The following MARK1 variants were observed in gnomAD, a reference collection of about 807,000 sequenced individuals.
MARK1 encodes serine/threonine-protein kinase MARK1.
In MARK1, 40 loss-of-function variants were observed where a neutral mutation model predicts 96.3. The observed-to-expected ratio is 0.42, with a 90% CI of 0.32 to 0.54. MARK1 has a LOEUF of 0.54. MARK1 is among the 20% of genes least tolerant of loss of function. The pLI, the probability that MARK1 is intolerant of heterozygous loss-of-function variation, is 0.16. For synonymous variants in MARK1, 317 were observed against 341.2 expected (o/e 0.93, Z 0.78); for missense variants, 719 against 984.6 (o/e 0.73, Z 3.61).
Position 220,610,221 on chromosome 1 carries a change from C to T in MARK1, c.496-5718C>T, listed in dbSNP as rs111230334. ...TAGATTTGGTGTTTTCACACAGTCC[C>T]GTATTTCTTGGAGGCTTTGTTCATT... On this transcript the variant is annotated intron_variant, in intron 6 of 17. Coordinates refer to ENST00000366917, the MANE Select transcript of MARK1 (RefSeq NM_018650.5). Among the ~76,000 whole-genome samples the T allele has an allele frequency of 1.7e-3, 260 of 152,240 alleles. 2 individuals are homozygous for T. Among genetic ancestry groups the T allele is most frequent in the African/African-American group, 6.0e-3 (251 of 41,538 alleles).
chr1:220,647,428 CTT>C (rs1668642339), intron 13 of MARK1, among the ~76,000 whole-genome samples: 1 of 151,946 alleles, frequency 6.6e-6, no homozygotes, highest in African/African-American at 2.4e-5. Flanking sequence ...CAGAGAAACA[CTT>C]TTACACTGTT....
intron 1 of MARK1, among the ~76,000 whole-genome samples, chr1:220,543,415 C>G (rs904273756): frequency 6.6e-6 from 1 of 152,118 alleles, no homozygotes; most frequent in Non-Finnish European, 1.5e-5. Flanking sequence ...AATTTTTATA[C>G]TATACTTTTT....
At chr1:220,621,226 C>T (rs546077362) in intron 9 of MARK1, among the ~76,000 whole-genome samples, 76 of 151,958 alleles carry the variant, frequency 5.0e-4, no homozygotes, top group African/African-American at 1.5e-3. Flanking sequence ...GGTTACGTAA[C>T]GTAATTTATT....
intron 7 of MARK1, among the ~76,000 whole-genome samples, chr1:220,617,916 G>A (rs1288885673): frequency 6.6e-6 from 1 of 152,092 alleles, no homozygotes; most frequent in African/African-American, 2.4e-5. Context: ...GAGCTCCTTT[G>A]GGTAATCATG....
rs1277431924 is a variant in MARK1, at chr1:220,631,065, G to T, written c.940G>T (p.Gly314Cys). The change falls in exon 10 of 18, where the codon GGT (glycine) becomes TGT (cysteine). Residue 314 changes from glycine (G) to cysteine (C), a missense_variant. Transcript: ENST00000366917. ...AATGAAAGATCGATGGATGAATGTT[G>T]GTCATGAAGAGGAAGAACTAAAGCC... ...QIMKDRWMNV[G>C]HEEEELKPYT... 2 of 1,612,442 alleles carry T rather than the reference G, an allele frequency of 1.2e-6. No homozygotes were observed. The highest frequency in any genetic ancestry group is 4.5e-5 in the East Asian group (2 of 44,776).
intron 9 of MARK1, chr1:220,627,856 A>G (rs1193779527): frequency 2.0e-5 from 3 of 153,072 alleles, no homozygotes; most frequent in East Asian, 1.9e-4. Context: ...CTGCTAATGT[A>G]ACATCAGCCA....
chr1:220,619,699 C>G (rs551062216), intron 9 of MARK1, among the ~76,000 whole-genome samples: 15 of 152,200 alleles, frequency 9.9e-5, no homozygotes, highest in African/African-American at 3.4e-4. Context: ...AAAATGTCTA[C>G]TATTTTTTTT....
chr1:220,563,128 A>G (rs1662786371), intron 1 of MARK1, among the ~76,000 whole-genome samples: 2 of 152,186 alleles, frequency 1.3e-5, no homozygotes. Context: ...AATGTCTGAG[A>G]TCAAGGTAAA....
intron 13 of MARK1, among the ~76,000 whole-genome samples, chr1:220,644,626 AC>A (rs1668483339): frequency 6.6e-6 from 1 of 152,160 alleles, no homozygotes; most frequent in Non-Finnish European, 1.5e-5. Context: ...AGCAGAATAT[AC>A]ATTTTTCTTG....
chr1:220,657,855 C>T, intron 17 of MARK1, 21 bp downstream of exon 17: 1 of 1,528,696 alleles, frequency 6.5e-7, no homozygotes, highest in East Asian at 2.5e-5. Context: ...ACTATTAATA[C>T]TTCGCTGCTA....
In MARK1 at chr1:220,662,067, A is replaced by G. The variant is rs1669510563; in HGVS notation, c.2289A>G (p.Pro763=). The G allele has an allele frequency of 6.2e-7, 1 of 1,614,138 alleles. No individual in the cohort carries two copies. The highest frequency in any genetic ancestry group is 1.1e-5 in the South Asian group (1 of 91,090). ...VQWEMEVCKL[P]RLSLNGVRFK... The stretch of plus-strand genomic sequence containing the variant: ...GGGAGATGGAAGTCTGCAAGTTGCC[A>G]CGACTGTCACTTAATGGGGTTCGCT... The change falls in exon 18 of 18, where the codon CCA becomes CCG. Residue 763 remains proline (P), a synonymous_variant. Transcript: ENST00000366917.
At chr1:220,587,481 GC>G (rs1664718400) in intron 3 of MARK1, among the ~76,000 whole-genome samples, 1 of 152,002 alleles carries the variant, frequency 6.6e-6, no homozygotes, top group Admixed American at 6.6e-5. Context: ...TGATTCTCCT[GC>G]CTTAGCCTCC....
At position 220,530,698 on chromosome 1, in the gene MARK1, G is replaced by C. The variant is rs186052107; in HGVS notation, c.51+1825G>C. ...ACACAAAAAAGGATTTTAAAGCTAAGCAATAATAGTATGATAAATTTTGTT... is the reference window on the plus strand; with the variant it reads ...ACACAAAAAAGGATTTTAAAGCTAACCAATAATAGTATGATAAATTTTGTT... On this transcript the variant is annotated intron_variant, in intron 1 of 17. Transcript: ENST00000366917. 2.6e-3 allele frequency among the ~76,000 whole-genome samples: 403 copies of C among 152,246 alleles called. 15 individuals are homozygous for C. The highest frequency in any genetic ancestry group is 0.026 in the Admixed American group (400 of 15,300).
At chr1:220,534,351 A>G (rs1439246787) in intron 1 of MARK1, among the ~76,000 whole-genome samples, 2 of 152,108 alleles carry the variant, frequency 1.3e-5, no homozygotes, top group Admixed American at 6.6e-5. Flanking sequence ...TTAGTTAACT[A>G]TAGTCACCTC....
intron 1 of MARK1, among the ~76,000 whole-genome samples, chr1:220,544,120 G>T (rs1361092): frequency 0.94 from 142,887 of 152,192 alleles, 67,787 homozygotes; most frequent in South Asian, 1. Flanking sequence ...GTGTGAGATA[G>T]AAGAAAGGGT....
chr1:220,575,794 C>A (rs1394145926), intron 1 of MARK1, among the ~76,000 whole-genome samples: 1 of 151,360 alleles, frequency 6.6e-6, no homozygotes, highest in African/African-American at 2.4e-5. Context: ...AAACCTGTAT[C>A]CCAAAATGTG....
intron 2 of MARK1, 137 bp downstream of exon 2, chr1:220,579,694 A>T (rs1454254588): frequency 3.0e-6 from 2 of 659,392 alleles, no homozygotes; most frequent in Non-Finnish European, 5.3e-6. Flanking sequence ...ATGGAACATT[A>T]GTAGGCAGAG....
At chr1:220,638,032 C>A (rs1668067048) in intron 13 of MARK1, among the ~76,000 whole-genome samples, 1 of 151,998 alleles carries the variant, frequency 6.6e-6, no homozygotes, top group African/African-American at 2.4e-5. Context: ...AACAGATGTG[C>A]ATAACCACTT....
At chr1:220,624,421 G>A (rs1667207696) in intron 9 of MARK1, among the ~76,000 whole-genome samples, 1 of 151,618 alleles carries the variant, frequency 6.6e-6, no homozygotes, top group African/African-American at 2.4e-5. Context: ...CCGACATGGA[G>A]AAACCCCGTC....
Sources: allele counts gnomAD v4.1 joint callset (sites outside exome capture counted in the v4.1 genomes callset), GRCh38; gene constraint gnomAD v4.1.1; transcripts MANE v1.5; gene names NCBI Gene and HGNC (gene_info 2026-07-23, HGNC 2026-07-21).